NPAS2: variants seen among roughly 807,000 people sequenced by gnomAD.
NPAS2 encodes the protein neuronal PAS domain-containing protein 2.
In NPAS2, 23 loss-of-function variants were observed where a neutral mutation model predicts 107.5. The ratio of observed to expected loss-of-function variants is 0.21; its 90% CI spans 0.15 to 0.30. The LOEUF (loss-of-function observed/expected upper bound fraction) is 0.30. NPAS2 is among the 10% of genes least tolerant of loss of function. The pLI is 1.00. For missense variants in NPAS2, 756 were observed against 1,043.3 expected (o/e 0.72, Z 3.79); for synonymous variants, 403 against 417.5 (o/e 0.97, Z 0.42).
At chr2:100,913,641 T>A (rs1489430730) in intron 2 of NPAS2, among the ~76,000 whole-genome samples, 1 of 152,092 alleles carries the variant, frequency 6.6e-6, no homozygotes, top group Non-Finnish European at 1.5e-5. Context: ...TTTTCCCCCC[T>A]CTTTTCTCTT....
At chr2:100,884,008 G>T (rs1157143532) in intron 1 of NPAS2, among the ~76,000 whole-genome samples, 1 of 152,146 alleles carries the variant, frequency 6.6e-6, no homozygotes, top group Non-Finnish European at 1.5e-5. Context: ...TCTTGCTTCC[G>T]TGGGGAGCAC....
chr2:100,933,071 C>T, intron 4 of NPAS2, 70 bp downstream of exon 4: 1 of 1,153,568 alleles, frequency 8.7e-7, no homozygotes, highest in Non-Finnish European at 1.3e-6. Context: ...CAGATAAGTC[C>T]CTGTACCCAA....
chr2:100,931,415 G>T (rs1221918781), intron 3 of NPAS2, among the ~76,000 whole-genome samples: 1 of 151,794 alleles, frequency 6.6e-6, no homozygotes, highest in Admixed American at 6.6e-5. Context: ...TGGTGGAGAC[G>T]AGCACTGCTG....
intron 15 of NPAS2, among the ~76,000 whole-genome samples, chr2:100,979,502 A>ATT (rs757799235): frequency 4.3e-3 from 188 of 43,346 alleles, no homozygotes; most frequent in Non-Finnish European, 5.8e-3. Context: ...ATATATATAT[A>ATT]TTTTTTTTTT....
intron 1 of NPAS2, among the ~76,000 whole-genome samples, chr2:100,839,801 A>T (rs923747411): frequency 6.6e-6 from 1 of 152,158 alleles, no homozygotes; most frequent in Non-Finnish European, 1.5e-5. Flanking sequence ...GCTGCCAGGC[A>T]TGTCTAGAGT....
intron 1 of NPAS2, among the ~76,000 whole-genome samples, chr2:100,849,136 C>T (rs1051584162): frequency 3.3e-5 from 5 of 152,216 alleles, no homozygotes; most frequent in Non-Finnish European, 5.9e-5. Context: ...GAGCAAGATG[C>T]CTTTCATCTA....
At chr2:100,947,553 A>C (rs77734694) in intron 5 of NPAS2, among the ~76,000 whole-genome samples, 1 of 42,436 alleles carries the variant, frequency 2.4e-5, no homozygotes. Flanking sequence ...ACTCTGTCTC[A>C]AAAAAAAAAA....
intron 1 of NPAS2, chr2:100,901,523 C>G (rs1329040793): frequency 1.0e-6 from 1 of 985,170 alleles, no homozygotes; most frequent in East Asian, 1.1e-4. Context: ...CGGGCGTGTT[C>G]CCTTCTCTCT....
At chr2:100,921,168 C>T (rs530445178) in intron 2 of NPAS2, among the ~76,000 whole-genome samples, 8 of 152,326 alleles carry the variant, frequency 5.3e-5, no homozygotes, top group South Asian at 2.1e-4. Context: ...GGAGGGTGCA[C>T]GGCCTCACAG....
chr2:100,975,282 T>C, intron 13 of NPAS2, 176 bp from the exon 14 acceptor site: 1 of 646,856 alleles, frequency 1.5e-6, no homozygotes, highest in Non-Finnish European at 2.7e-6. Flanking sequence ...TGGTGTCTCC[T>C]ACCTGCTCCC....
At chr2:100,945,323 C>T (rs1209319036) in intron 5 of NPAS2, among the ~76,000 whole-genome samples, 1 of 152,130 alleles carries the variant, frequency 6.6e-6, no homozygotes, top group Non-Finnish European at 1.5e-5. Context: ...TGCTTCCCAA[C>T]GTGTCTTCCC....
chr2:100,858,748 C>G (rs1353463727), intron 1 of NPAS2, among the ~76,000 whole-genome samples: 1 of 152,154 alleles, frequency 6.6e-6, no homozygotes, highest in Non-Finnish European at 1.5e-5. Flanking sequence ...CTTCTCCGTA[C>G]TCTGAAAATA....
At chr2:100,819,879 C>T (rs943774093), upstream of NPAS2, among the ~76,000 whole-genome samples, 7 of 152,176 alleles carry the variant, frequency 4.6e-5, no homozygotes, top group African/African-American at 1.7e-4. The surrounding 1 kb of genome is among the most constrained non-coding windows in gnomAD (Gnocchi z 5.8). Context: ...CCAGCAGAGG[C>T]TGCGGCGGCC....
intron 1 of NPAS2, chr2:100,821,320 C>A: frequency 1.2e-6 from 1 of 862,754 alleles, no homozygotes; most frequent in Non-Finnish European, 1.6e-6. Context: ...CACTCCCGAG[C>A]TTGTGTCCGG....
intron 1 of NPAS2, among the ~76,000 whole-genome samples, chr2:100,890,167 G>A (rs574314904): frequency 2.6e-5 from 4 of 152,280 alleles, no homozygotes; most frequent in South Asian, 2.1e-4. Flanking sequence ...GCAAGGTCAC[G>A]TCTCTGAGGG....
chr2:100,898,910 C>T (rs1681597344), intron 1 of NPAS2, among the ~76,000 whole-genome samples: 1 of 152,134 alleles, frequency 6.6e-6, no homozygotes, highest in Non-Finnish European at 1.5e-5. Context: ...CCAAGGCTGG[C>T]ATCCACAGTG....
At chr2:100,920,515 T>C (rs896259711) in intron 2 of NPAS2, among the ~76,000 whole-genome samples, 1 of 152,146 alleles carries the variant, frequency 6.6e-6, no homozygotes, top group African/African-American at 2.4e-5. Flanking sequence ...CACCCATGAG[T>C]GCCTTTCTGC....
At chr2:100,947,440 A>G (rs1182033131) in intron 5 of NPAS2, among the ~76,000 whole-genome samples, 1 of 151,998 alleles carries the variant, frequency 6.6e-6, no homozygotes, top group Admixed American at 6.6e-5. Context: ...AGTTTCAGCT[A>G]CTTGGGAGGC....
intron 1 of NPAS2, among the ~76,000 whole-genome samples, chr2:100,856,095 T>C (rs1395790268): frequency 6.6e-6 from 1 of 152,176 alleles, no homozygotes; most frequent in East Asian, 1.9e-4. Context: ...ATTAAGGAGC[T>C]TTGTCTAAAA....
Sources: gnomAD v4.1 joint callset for allele counts (sites outside exome capture counted in the v4.1 genomes callset) on GRCh38, gnomAD v4.1.1 for gene constraint, Gnocchi (gnomAD v3.1) non-coding constraint, MANE v1.5 for transcripts, NCBI Gene and HGNC (gene_info 2026-07-23, HGNC 2026-07-21) for gene names.